Variants in LGSN observed in about 807,000 individuals in gnomAD.
LGSN encodes the protein lengsin.
A neutral mutation model predicts 19.5 loss-of-function variants in LGSN; 21 were observed. That is an observed-to-expected ratio of 1.07 (90% CI 0.76 to 1.55). The LOEUF (loss-of-function observed/expected upper bound fraction) is 1.55. LGSN is among the 40% of genes most tolerant of loss of function. The pLI is 0.00. For synonymous variants in LGSN, 257 were observed against 215.6 expected (o/e 1.19, Z -1.68); for missense variants, 673 against 608.5 (o/e 1.11, Z -1.12).
the LGSN span, among the ~76,000 whole-genome samples, chr6:63,457,783 G>A: frequency 6.6e-6 from 1 of 151,860 alleles, no homozygotes; most frequent in African/African-American, 2.4e-5. Flanking sequence ...GGAGGCTGAG[G>A]CAGGAGAATC....
chr6:63,336,729 G>C, the LGSN span, among the ~76,000 whole-genome samples: 413 of 145,160 alleles, frequency 2.8e-3, 3 homozygotes, highest in African/African-American at 0.01. Flanking sequence ...AAATTCAAGC[G>C]ATTCTCCCAC....
chr6:63,514,320 C>T, the LGSN span, among the ~76,000 whole-genome samples: 5 of 152,296 alleles, frequency 3.3e-5, no homozygotes, highest in Non-Finnish European at 5.9e-5. Flanking sequence ...CTCTGCCTCC[C>T]GGGTTCAAGT....
the LGSN span, among the ~76,000 whole-genome samples, chr6:63,481,353 T>TTTTTTTC: frequency 6.6e-6 from 1 of 151,706 alleles, no homozygotes; most frequent in Admixed American, 6.6e-5. Flanking sequence ...AAAGCTATTT[T>TTTTTTTC]TTTTTTTGAG....
the LGSN span, among the ~76,000 whole-genome samples, chr6:63,536,124 C>G: frequency 6.6e-6 from 1 of 152,018 alleles, no homozygotes; most frequent in Non-Finnish European, 1.5e-5. Flanking sequence ...CTGAGGCCAA[C>G]AGTTCCAGAC....
chr6:63,555,703 T>C, the LGSN span, among the ~76,000 whole-genome samples: 1 of 151,464 alleles, frequency 6.6e-6, no homozygotes, highest in African/African-American at 2.4e-5. Context: ...TTTTTTTTTT[T>C]TTTTTTTTGA....
the LGSN span, chr6:63,441,678 C>A: frequency 6.4e-6 from 3 of 465,422 alleles, no homozygotes; most frequent in Non-Finnish European, 1.2e-5. Context: ...GAGTATGATG[C>A]CCTCAAAGCA....
At chr6:63,538,089 A>G in the LGSN span, among the ~76,000 whole-genome samples, 1 of 152,256 alleles carries the variant, frequency 6.6e-6, no homozygotes, top group Non-Finnish European at 1.5e-5. Flanking sequence ...AAAATTTTTT[A>G]AATTTGCTGA....
At chr6:63,404,678 C>T in the LGSN span, among the ~76,000 whole-genome samples, 21 of 152,210 alleles carry the variant, frequency 1.4e-4, no homozygotes, top group South Asian at 4.2e-3. Flanking sequence ...ATGAGGGGAT[C>T]ACCAAAGGCC....
chr6:63,542,835 A>G, the LGSN span, among the ~76,000 whole-genome samples: 1 of 151,238 alleles, frequency 6.6e-6, no homozygotes, highest in Non-Finnish European at 1.5e-5. Context: ...TATTATCACC[A>G]CCTCCACCCC....
At chr6:63,418,625 G>T in the LGSN span, among the ~76,000 whole-genome samples, 1 of 152,036 alleles carries the variant, frequency 6.6e-6, no homozygotes, top group Non-Finnish European at 1.5e-5. Context: ...GAAAGAAGGC[G>T]GACTGGCTAG....
At chr6:63,305,193 C>T (rs990730216) in intron 1 of LGSN, among the ~76,000 whole-genome samples, 86 of 152,084 alleles carry the variant, frequency 5.7e-4, no homozygotes, top group African/African-American at 2.0e-3. Context: ...AAGAGGTCCC[C>T]TCTGCTCTAA....
the LGSN span, among the ~76,000 whole-genome samples, chr6:63,553,083 G>T: frequency 6.6e-6 from 1 of 152,188 alleles, no homozygotes; most frequent in African/African-American, 2.4e-5. Context: ...CAGTTGCAAA[G>T]TAGTAGAGAG....
chr6:63,328,718 G>A, the LGSN span, among the ~76,000 whole-genome samples: 1 of 152,218 alleles, frequency 6.6e-6, no homozygotes, highest in Non-Finnish European at 1.5e-5. Context: ...CTGTCCTGTA[G>A]GAAGGCTTAA....
the LGSN span, among the ~76,000 whole-genome samples, chr6:63,368,792 G>A: frequency 3.9e-5 from 6 of 152,188 alleles, no homozygotes; most frequent in Non-Finnish European, 8.8e-5. Context: ...TCTGGAGTAA[G>A]AAGGAAGCCT....
upstream of LGSN, among the ~76,000 whole-genome samples, chr6:63,324,715 A>G (rs1769191793): frequency 6.6e-6 from 1 of 152,024 alleles, no homozygotes. Context: ...AATTTTTTGG[A>G]AACAAATGAA....
rs747259240 is a variant in LGSN at position 63,319,918 on chromosome 6, T to C, written c.26A>G (p.Gln9Arg). The change falls in exon 1 of 4, where the codon CAG becomes CGG. Residue 9 changes from glutamine (Q) to arginine (R), a missense_variant. Physicochemically the swap from Gln to Arg is conservative, Grantham distance 43. Transcript: ENST00000370657. ...TTTTAATGATTAGCTTCATACCTCCTGCAGAAGGTCCTCTTCATTATTCAT... is the reference window on the plus strand; with the variant it reads ...TTTTAATGATTAGCTTCATACCTCCCGCAGAAGGTCCTCTTCATTATTCAT... MNNEEDLL[Q>R]EDSTRDEGNE... 2 of 1,609,274 alleles carry C rather than the reference T, an allele frequency of 1.2e-6. No individual in the cohort carries two copies. Among genetic ancestry groups the C allele is most frequent in the Admixed American group, 3.3e-5 (2 of 59,962 alleles).
chr6:63,551,363 G>T, the LGSN span, among the ~76,000 whole-genome samples: 1 of 152,178 alleles, frequency 6.6e-6, no homozygotes, highest in Non-Finnish European at 1.5e-5. Flanking sequence ...ACTGCACCCA[G>T]CCGCTGTGGG....
chr6:63,505,593 G>GAA, the LGSN span, among the ~76,000 whole-genome samples: 2 of 127,512 alleles, frequency 1.6e-5, no homozygotes, highest in African/African-American at 5.8e-5. Context: ...AAGAAAGAAA[G>GAA]AAAGAAAGAA....
the LGSN span, among the ~76,000 whole-genome samples, chr6:63,403,773 T>G: frequency 1.2e-4 from 19 of 152,198 alleles, no homozygotes; most frequent in African/African-American, 3.6e-4. Flanking sequence ...AAACAGACTT[T>G]AAAGTATTCC....
Sources: allele counts gnomAD v4.1 joint callset (sites outside exome capture counted in the v4.1 genomes callset), GRCh38; gene constraint gnomAD v4.1.1; transcripts MANE v1.5; gene names NCBI Gene and HGNC (gene_info 2026-07-23, HGNC 2026-07-21).